Variants in RAG1 observed in about 807,000 individuals in gnomAD.
RAG1 encodes the protein V(D)J recombination-activating protein 1.
In RAG1, 35 loss-of-function variants were observed where a neutral mutation model predicts 62.7. The observed-to-expected ratio is 0.56, with a 90% confidence interval of 0.43 to 0.74. The LOEUF (loss-of-function observed/expected upper bound fraction) is 0.74. Ranked by LOEUF, RAG1 falls within the 30% of genes least tolerant of loss-of-function variation. RAG1 has a pLI of 0.00. For synonymous variants in RAG1, 461 were observed against 470.3 expected (o/e 0.98, Z 0.26); for missense variants, 1,169 against 1,278.6 (o/e 0.91, Z 1.31).
In RAG1 at chr11:36,575,977, G is replaced by T; in HGVS notation, c.2673G>T (p.Lys891Asn). The T allele has an allele frequency of 6.2e-7, 1 of 1,614,184 alleles. No homozygotes were observed. Among genetic ancestry groups the T allele is most frequent in the African/African-American group, 1.3e-5 (1 of 75,050 alleles). The change falls in exon 2 of 2, where the codon AAG becomes AAT. Residue 891 changes from lysine (K) to asparagine (N), a missense_variant. Lys to Asn is a moderately conservative substitution (Grantham distance 94). Coordinates refer to ENST00000299440, the MANE Select transcript of RAG1 (RefSeq NM_000448.3). This position sits in a 1 kb window ranked among gnomAD's most constrained non-coding sequence, Gnocchi z 4.1. ...ALRELMDLYLKMKPVWRSSCP... is the reference protein window; with the variant it reads ...ALRELMDLYLNMKPVWRSSCP... ...GGGAGCTGATGGATCTTTACCTGAA[G>T]ATGAAACCAGTATGGCGATCATCAT...
rs1850804605 is a variant in RAG1 at position 36,574,451 on chromosome 11, A to G, written c.1147A>G (p.Lys383Glu). The G allele has an allele frequency of 1.2e-6, 2 of 1,614,236 alleles. No homozygotes were observed. Among genetic ancestry groups the G allele is most frequent in the East Asian group, 2.2e-5 (1 of 44,884 alleles). The change falls in exon 2 of 2, where the codon AAA (lysine) becomes GAA (glutamate). Residue 383 changes from lysine (K) to glutamate (E), a missense_variant. Lys to Glu is a moderately conservative substitution (Grantham distance 56). Transcript: ENST00000299440. ...NHHISSHKES[K>E]EIFVHINKGG... ...CCACATCTCAAGTCACAAGGAATCA[A>G]AAGAGATTTTTGTGCACATTAATAA...
chr11:36,510,417 C>A (rs1437637951), upstream of RAG1: 1 of 152,468 alleles, frequency 6.6e-6, no homozygotes, highest in Admixed American at 6.5e-5. Flanking sequence ...TGGCTTTCTT[C>A]CTGCTCGGGT....
At chr11:36,523,539 G>A (rs1404114386) in intron 2 of RAG1, among the ~76,000 whole-genome samples, 1 of 152,126 alleles carries the variant, frequency 6.6e-6, no homozygotes, top group Admixed American at 6.5e-5. Flanking sequence ...TAAGAACAAG[G>A]AGAGTTTTCT....
At chr11:36,563,986 C>G (rs148875767), upstream of RAG1, among the ~76,000 whole-genome samples, 2 of 152,282 alleles carry the variant, frequency 1.3e-5, no homozygotes, top group Non-Finnish European at 2.9e-5. Context: ...TGAACTCAAT[C>G]TGTGATCTTA....
At chr11:36,538,685 A>G (rs146611750), downstream of RAG1, among the ~76,000 whole-genome samples, 710 of 152,188 alleles carry the variant, frequency 4.7e-3, 6 homozygotes, top group Non-Finnish European at 7.0e-3. Context: ...CCTCTGGCTG[A>G]TTTCTTGGTT....
Position 36,547,589 on chromosome 11 carries a change from C to T in RAG1, c.-412+11555C>T, listed in dbSNP as rs534864568. 1.0e-3 allele frequency among the ~76,000 whole-genome samples: 156 copies of T among 152,188 alleles called. 2 individuals are homozygous for T. Among genetic ancestry groups the T allele is most frequent in the Non-Finnish European group, 2.0e-3 (138 of 67,984 alleles). Reference sequence around the variant, plus strand: ...GACTAAACCAGGAAGAAGCCAAATCCCTGAGTAGACCAATAACAAATTCTG... The same window carrying T: ...GACTAAACCAGGAAGAAGCCAAATCTCTGAGTAGACCAATAACAAATTCTG... On this transcript the variant is annotated intron_variant and NMD_transcript_variant, in intron 3 of 9. Transcript: ENST00000534663.
chr11:36,575,857 G>T lies in RAG1; in HGVS notation c.2553G>T (p.Arg851Ser). 6.2e-7 allele frequency: 1 copy of T among 1,614,206 alleles called. No individual in the cohort carries two copies. The change falls in exon 2 of 2, where the codon AGG (arginine) becomes AGT (serine). Residue 851 changes from arginine to serine, a missense_variant. By Grantham distance (110) the Arg-to-Ser change is moderately radical. Coordinates refer to ENST00000299440, the MANE Select transcript of RAG1 (RefSeq NM_000448.3). The surrounding 1 kb of genome is among the most constrained non-coding windows in gnomAD (Gnocchi z 4.1). ...RKKMNLKPIM[R>S]MNGNFARKLM... ...AGATGAACCTCAAACCAATCATGAG[G>T]ATGAATGGCAACTTTGCCAGGAAGC...
chr11:36,564,719 T>A (rs1052531903), upstream of RAG1, among the ~76,000 whole-genome samples: 13 of 152,230 alleles, frequency 8.5e-5, no homozygotes, highest in East Asian at 1.7e-3. Flanking sequence ...AGAAAACAAT[T>A]TTAAGACAGA....
chr11:36,560,485 G>C (rs921985860), intron 3 of RAG1, among the ~76,000 whole-genome samples: 3 of 152,098 alleles, frequency 2.0e-5, no homozygotes, highest in Non-Finnish European at 2.9e-5. Context: ...ATGATGGCAG[G>C]GCTCCAGGTA....
At chr11:36,534,350 G>A (rs1419468203) in intron 2 of RAG1, among the ~76,000 whole-genome samples, 1 of 152,148 alleles carries the variant, frequency 6.6e-6, no homozygotes. Context: ...AACAAACAAA[G>A]CTTATTCATA....
chr11:36,541,201 C>G (rs147844960), intron 3 of RAG1, among the ~76,000 whole-genome samples: 22 of 152,300 alleles, frequency 1.4e-4, no homozygotes, highest in Non-Finnish European at 2.5e-4. Flanking sequence ...CTGCAGCATT[C>G]GGTTCAATCC....
intron 3 of RAG1, among the ~76,000 whole-genome samples, chr11:36,562,210 A>T (rs924818396): frequency 1.3e-4 from 20 of 152,280 alleles, no homozygotes; most frequent in African/African-American, 4.3e-4. Flanking sequence ...GGAAGAGATA[A>T]ATGAAAGATA....
chr11:36,560,236 C>T (rs1850563036), intron 3 of RAG1, among the ~76,000 whole-genome samples: 2 of 152,142 alleles, frequency 1.3e-5, no homozygotes, highest in Non-Finnish European at 2.9e-5. Context: ...GGCATGGTAG[C>T]TCTGCTGGTC....
chr11:36,567,092 A>G (rs1850671475), upstream of RAG1, among the ~76,000 whole-genome samples: 1 of 152,214 alleles, frequency 6.6e-6, no homozygotes, highest in Non-Finnish European at 1.5e-5. Flanking sequence ...TTAGACTATT[A>G]CTACAAAGTG....
chr11:36,560,946 A>G (rs1850575877), intron 3 of RAG1, among the ~76,000 whole-genome samples: 1 of 152,088 alleles, frequency 6.6e-6, no homozygotes, highest in Non-Finnish European at 1.5e-5. Flanking sequence ...AAGTGTAGTT[A>G]TTTGTTTGTT....
At chr11:36,548,997 A>G (rs569589440) in intron 3 of RAG1, among the ~76,000 whole-genome samples, 1 of 152,342 alleles carries the variant, frequency 6.6e-6, no homozygotes, top group Admixed American at 6.5e-5. Context: ...ATCTTTGACA[A>G]ACCTGACAAA....
intron 1 of RAG1, among the ~76,000 whole-genome samples, chr11:36,516,668 GAAGT>G (rs1291458177): frequency 6.6e-6 from 1 of 152,224 alleles, no homozygotes; most frequent in Non-Finnish European, 1.5e-5. Flanking sequence ...TTAATTCACC[GAAGT>G]AAGTACTACC....
chr11:36,560,128 T>C (rs1412025508), intron 3 of RAG1, among the ~76,000 whole-genome samples: 4 of 152,202 alleles, frequency 2.6e-5, no homozygotes, highest in African/African-American at 9.7e-5. Context: ...TTGGCTGTAA[T>C]CAATATCAAT....
intron 3 of RAG1, among the ~76,000 whole-genome samples, chr11:36,543,128 G>C (rs1850336332): frequency 6.6e-6 from 1 of 152,200 alleles, no homozygotes; most frequent in African/African-American, 2.4e-5. Flanking sequence ...AGGGATGGCA[G>C]ATAGGGAACT....
Sources: allele counts gnomAD v4.1 joint callset (sites outside exome capture counted in the v4.1 genomes callset), GRCh38; gene constraint gnomAD v4.1.1; non-coding constraint Gnocchi (gnomAD v3.1); transcripts MANE v1.5; gene names NCBI Gene and HGNC (gene_info 2026-07-23, HGNC 2026-07-21).